Variants in C1orf159 observed in about 807,000 individuals in gnomAD.
C1orf159 encodes the protein uncharacterized protein C1orf159.
A neutral mutation model predicts 25.6 loss-of-function variants in C1orf159; 19 were observed. The ratio of observed to expected loss-of-function variants is 0.74; its 90% CI spans 0.52 to 1.09. The LOEUF is 1.09. C1orf159 is among the 50% of genes least tolerant of loss of function. The pLI is 0.00. For missense variants in C1orf159, 274 were observed against 290.6 expected, an observed-to-expected ratio of 0.94 and a Z score of 0.42; for synonymous variants, 139 against 124.7, an observed-to-expected ratio of 1.12 and a Z score of -0.77.
intron 1 of C1orf159, among the ~76,000 whole-genome samples, chr1:1,104,733 C>T (rs1248181935): frequency 2.0e-5 from 3 of 151,728 alleles, no homozygotes; most frequent in African/African-American, 2.4e-5. Flanking sequence ...AGTTCGAAGC[C>T]GAAGTGCAGA....
intron 1 of C1orf159, among the ~76,000 whole-genome samples, chr1:1,107,053 G>A (rs943186569): frequency 5.3e-5 from 8 of 151,420 alleles, no homozygotes; most frequent in South Asian, 2.1e-4. Context: ...ACCCCCGCCC[G>A]TGGGCTCCCA....
rs1204191822 is a variant in C1orf159, at chr1:1,115,693, AC to A, written c.-136+366del. On this transcript the variant is annotated intron_variant, in intron 1 of 9. Coordinates refer to ENST00000421241, the MANE Select transcript of C1orf159 (RefSeq NM_017891.5). Reference sequence around the variant, plus strand: ...CCGGGAACCTTTCCCCTCCCCAGGGACCCCCCCTCCCCGCTCCGGGAACCCC... The same window carrying A: ...CCGGGAACCTTTCCCCTCCCCAGGGACCCCCCTCCCCGCTCCGGGAACCCC... 2.1e-4 allele frequency among the ~76,000 whole-genome samples: 6 copies of A among 29,070 alleles called. No individual in the cohort carries two copies. In the South Asian group the frequency reaches 0.013, roughly 62 times the overall value. 19.1% of individuals were successfully genotyped at this position (29,070 alleles called of 152,430 possible).
intron 1 of C1orf159, among the ~76,000 whole-genome samples, chr1:1,094,068 T>C (rs1398350839): frequency 6.6e-6 from 1 of 152,124 alleles, no homozygotes; most frequent in Admixed American, 6.5e-5. Flanking sequence ...TTTTGTTTAA[T>C]TGGGTGGAGT....
At position 1,087,262 on chromosome 1, in the gene C1orf159, C is replaced by T. The variant is rs531748776; in HGVS notation, c.245-58G>A. ...TGCACGGAGCCCACGGGGACACCCA[C>T]GTGCACCCTGAAGGGATCTCAGGAC... On this transcript the variant is annotated intron_variant, in intron 5 of 9. Coordinates refer to ENST00000421241, the MANE Select transcript of C1orf159 (RefSeq NM_017891.5). This position sits in a 1 kb window ranked among gnomAD's most constrained non-coding sequence, Gnocchi z 8.3. 18 of 1,503,084 alleles carry T rather than the reference C, an allele frequency of 1.2e-5. No homozygotes were observed. Among genetic ancestry groups the T allele is most frequent in the East Asian group, 9.2e-5 (4 of 43,284 alleles). The allele number at this position is 1,503,084 out of a possible 1,614,324, so 93.1% of individuals were successfully genotyped here. A position where few individuals can be genotyped will look rare whatever the true frequency, so the allele number is the denominator to read the frequency against.
chr1:1,086,096 G>C, intron 6 of C1orf159, 84 bp from the exon 7 acceptor site: 1 of 1,503,696 alleles, frequency 6.7e-7, no homozygotes, highest in African/African-American at 1.4e-5. Flanking sequence ...GCACATGGCA[G>C]ATGCGCTGCT....
At chr1:1,105,342 G>A (rs989167917) in intron 1 of C1orf159, among the ~76,000 whole-genome samples, 5 of 151,822 alleles carry the variant, frequency 3.3e-5, no homozygotes, top group East Asian at 1.9e-4. Flanking sequence ...GCAATACACC[G>A]AAACCCCTTA....
At chr1:1,090,541 G>A (rs752556018) in intron 3 of C1orf159, 113 bp from the exon 4 acceptor site, 70 of 1,119,158 alleles carry the variant, frequency 6.3e-5, no homozygotes, top group Middle Eastern at 4.6e-4. Context: ...CCGCAGCTCC[G>A]GCCTCTTCTG....
chr1:1,091,210 C>T (rs1216204208), intron 3 of C1orf159: 1 of 614,790 alleles, frequency 1.6e-6, no homozygotes, highest in Non-Finnish European at 2.9e-6. Context: ...GAGGTGCTCC[C>T]ATTGCGGGCC....
intron 9 of C1orf159, chr1:1,084,145 G>A (rs374897398): frequency 1.6e-5 from 25 of 1,548,836 alleles, no homozygotes; most frequent in African/African-American, 9.5e-5. Flanking sequence ...GGCAGGGGGC[G>A]CCGGCCAAAT....
In C1orf159 at chr1:1,087,178, TG is replaced by T. The variant is rs1316453418; in HGVS notation, c.270del (p.Met91Ter). On this transcript the variant is annotated frameshift_variant, in exon 6 of 10. Coordinates refer to ENST00000421241, the MANE Select transcript of C1orf159 (RefSeq NM_017891.5). LOFTEE classifies it high-confidence loss of function. This position sits in a 1 kb window ranked among gnomAD's most constrained non-coding sequence, Gnocchi z 8.3. ...CCGGGGGTCCCTGAGCTTCTGTTCA[TG>T]GGGAATGGCGCACCCGGGCCAGCAA... ...RSFAGPGAPF[P>X]MNRSSGTPGR... The T allele has an allele frequency of 2.5e-6, 4 of 1,610,426 alleles. No homozygotes were observed. The highest frequency in any genetic ancestry group is 3.4e-6 in the Non-Finnish European group (4 of 1,179,318).
At chr1:1,084,640 G>A (rs1645800541) in intron 7 of C1orf159, 134 bp from the exon 8 acceptor site, 1 of 1,128,208 alleles carries the variant, frequency 8.9e-7, no homozygotes, top group South Asian at 1.4e-5. Context: ...GAGCAGCAGA[G>A]GCCCCGGGGC....
rs776146307 is a variant in C1orf159, at chr1:1,110,140, C to T, written c.-136+5920G>A. 6.6e-5 allele frequency among the ~76,000 whole-genome samples: 10 copies of T among 152,158 alleles called. No individual in the cohort carries two copies. The highest frequency in any genetic ancestry group is 1.3e-4 in the Admixed American group (2 of 15,278). ...TGATTATAACTCGGCGTCTTATTGC[C>T]GCAGAGTCTGTCAGTCTCGTGATCT... On this transcript the variant is annotated intron_variant, in intron 1 of 9. Transcript: ENST00000421241. This position sits in a 1 kb window ranked among gnomAD's most constrained non-coding sequence, Gnocchi z 4.8.
At chr1:1,086,856 C>T (rs947606694) in intron 6 of C1orf159, among the ~76,000 whole-genome samples, 1 of 152,088 alleles carries the variant, frequency 6.6e-6, no homozygotes, top group Non-Finnish European at 1.5e-5. Context: ...AACCTGAGAG[C>T]GTGTGGCTGT....
Position 1,082,795 on chromosome 1 carries a change from G to C in C1orf159, c.*98C>G, listed in dbSNP as rs1470331606. Reference sequence around the variant, plus strand: ...CCGAGGCTGTGCCCAGGACTGTCCCGGGCGCCGGGCGATGCCAACACTTTG... The same window carrying C: ...CCGAGGCTGTGCCCAGGACTGTCCCCGGCGCCGGGCGATGCCAACACTTTG... On this transcript the variant is annotated 3_prime_UTR_variant, in exon 10 of 10. Coordinates refer to ENST00000421241, the MANE Select transcript of C1orf159 (RefSeq NM_017891.5). The C allele has an allele frequency of 4.4e-6, 5 of 1,130,952 alleles. No individual in the cohort carries two copies. Among genetic ancestry groups the C allele is most frequent in the Admixed American group, 2.0e-5 (1 of 49,930 alleles). 70.1% of individuals were successfully genotyped at this position (1,130,952 alleles called of 1,614,324 possible).
At chr1:1,099,840 T>C (rs927676243) in intron 1 of C1orf159, among the ~76,000 whole-genome samples, 1 of 151,866 alleles carries the variant, frequency 6.6e-6, no homozygotes, top group African/African-American at 2.4e-5. Flanking sequence ...ATGTTTTTGG[T>C]CTATTGTTCT....
intron 4 of C1orf159, among the ~76,000 whole-genome samples, chr1:1,088,206 C>CA (rs1453225302): frequency 3.2e-5 from 3 of 94,498 alleles, no homozygotes; most frequent in Non-Finnish European, 2.2e-5. Context: ...CAGGACCCCC[C>CA]CCCCATGGCC....
intron 1 of C1orf159, among the ~76,000 whole-genome samples, chr1:1,112,026 C>T (rs934208344): frequency 4.6e-5 from 7 of 152,194 alleles, no homozygotes; most frequent in South Asian, 2.1e-4. Context: ...CTCAGCACAC[C>T]GGAGTCGGGC....
intron 1 of C1orf159, among the ~76,000 whole-genome samples, chr1:1,112,563 A>AAC: frequency 6.6e-6 from 1 of 152,140 alleles, no homozygotes; most frequent in Middle Eastern, 3.4e-3. Context: ...CCCTCCAGTG[A>AAC]ACACACAGCG....
At chr1:1,112,474 C>T (rs1646274739) in intron 1 of C1orf159, among the ~76,000 whole-genome samples, 2 of 151,228 alleles carry the variant, frequency 1.3e-5, no homozygotes, top group Admixed American at 1.3e-4. Context: ...CCAGTGAACA[C>T]ACGGCACATG....
Sources: allele counts gnomAD v4.1 joint callset (sites outside exome capture counted in the v4.1 genomes callset), GRCh38; gene constraint gnomAD v4.1.1; non-coding constraint Gnocchi (gnomAD v3.1); transcripts MANE v1.5; gene names NCBI Gene and HGNC (gene_info 2026-07-23, HGNC 2026-07-21).